ZFHX3: variants seen among roughly 807,000 people sequenced by gnomAD.
The protein encoded by ZFHX3 is zinc finger homeobox 3, also known as zinc finger homeobox protein 3.
Under a neutral mutation model 279.1 loss-of-function variants are expected in ZFHX3, and 42 were observed. The ratio of observed to expected loss-of-function variants is 0.15; its 90% CI spans 0.12 to 0.19. The LOEUF (loss-of-function observed/expected upper bound fraction) is 0.19. Ranked by LOEUF, ZFHX3 falls within the 10% of genes least tolerant of loss-of-function variation. The probability of loss-of-function intolerance (pLI) is 1.00; values close to 1 mark genes in which losing one functional copy is unlikely to be tolerated. For missense variants in ZFHX3, 4,981 were observed against 4,754.0 expected, an observed-to-expected ratio of 1.05 and a Z score of -1.40; for synonymous variants, 2,293 against 1,957.8, an observed-to-expected ratio of 1.17 and a Z score of -4.52.
At chr16:73,155,184 A>AAC (rs1453682478) in intron 5 of ZFHX3, among the ~76,000 whole-genome samples, 6 of 139,752 alleles carry the variant, frequency 4.3e-5, no homozygotes, top group Admixed American at 2.7e-4. Context: ...AAAAAACAAA[A>AAC]AAAAAAAAAA....
intron 8 of ZFHX3, among the ~76,000 whole-genome samples, chr16:73,074,269 G>A (rs373662328): frequency 3.0e-4 from 46 of 152,282 alleles, no homozygotes; most frequent in South Asian, 8.3e-4. Context: ...TGTCCCAGGC[G>A]CAATGTTGGA....
At chr16:73,113,507 A>G (rs1027197472) in intron 7 of ZFHX3, among the ~76,000 whole-genome samples, 2 of 152,218 alleles carry the variant, frequency 1.3e-5, no homozygotes, top group African/African-American at 2.4e-5. Flanking sequence ...AGAATGAGGC[A>G]TCCTTCGAGG....
chr16:73,596,107 G>A (rs552407629), intron 2 of ZFHX3, among the ~76,000 whole-genome samples: 20 of 151,756 alleles, frequency 1.3e-4, no homozygotes, highest in South Asian at 6.3e-4. Flanking sequence ...TGCAACTTCC[G>A]CCTCCCGGGT....
chr16:73,614,887 G>A (rs1725610428), intron 2 of ZFHX3, among the ~76,000 whole-genome samples: 1 of 152,048 alleles, frequency 6.6e-6, no homozygotes, highest in Non-Finnish European at 1.5e-5. Flanking sequence ...AGCCTCCTGA[G>A]TAGCTGGGAC....
At position 72,787,899 on chromosome 16, in the gene ZFHX3, T is replaced by C; in HGVS notation, c.10377A>G (p.Pro3459=). 1 of 1,614,092 alleles carries C rather than the reference T, an allele frequency of 6.2e-7. No individual in the cohort carries two copies. The highest frequency in any genetic ancestry group is 8.5e-7 in the Non-Finnish European group (1 of 1,180,022). The change falls in exon 10 of 10, where the codon CCA becomes CCG. Residue 3459 remains proline, a synonymous_variant. Coordinates refer to ENST00000268489, the MANE Select transcript of ZFHX3 (RefSeq NM_006885.4). Reference sequence around the variant, plus strand: ...GGCAGACCAACTTGTACTGCACCTTTGGAACAATGAAGGGGTCGTAGAGGG... The same window carrying C: ...GGCAGACCAACTTGTACTGCACCTTCGGAACAATGAAGGGGTCGTAGAGGG... The part of the protein sequence containing the change: ...ADSLYDPFIV[P]KVQYKLVCRK...
intron 1 of ZFHX3, among the ~76,000 whole-genome samples, chr16:73,729,849 C>T (rs1481342847): frequency 6.6e-6 from 1 of 152,188 alleles, no homozygotes; most frequent in African/African-American, 2.4e-5. Flanking sequence ...AGAATCTAGA[C>T]TTGCTTCCAT....
At chr16:73,006,976 G>A (rs1963729529) in intron 1 of ZFHX3, among the ~76,000 whole-genome samples, 1 of 152,202 alleles carries the variant, frequency 6.6e-6, no homozygotes, top group Non-Finnish European at 1.5e-5. Context: ...TACATGTTGA[G>A]TAAAGACCCA....
At chr16:73,429,229 C>G (rs1445044433) in intron 3 of ZFHX3, among the ~76,000 whole-genome samples, 1 of 152,180 alleles carries the variant, frequency 6.6e-6, no homozygotes, top group Non-Finnish European at 1.5e-5. Context: ...GTAAAGTAAG[C>G]TATAGGAGAG....
chr16:73,733,872 G>A (rs1284636066), intron 1 of ZFHX3, among the ~76,000 whole-genome samples: 1 of 152,190 alleles, frequency 6.6e-6, no homozygotes, highest in East Asian at 1.9e-4. Flanking sequence ...TTAGTGATGA[G>A]AGTTCAAATA....
At chr16:73,543,875 AGCGAGAGAGG>A (rs1320363019) in intron 2 of ZFHX3, 2 of 141,190 alleles carry the variant, frequency 1.4e-5, no homozygotes, top group Admixed American at 7.6e-5. Context: ...GGAGAGAGAG[AGCGAGAGAGG>A]GAGAGAGAGA....
At chr16:73,138,813 G>A (rs187222434) in intron 6 of ZFHX3, among the ~76,000 whole-genome samples, 7 of 152,128 alleles carry the variant, frequency 4.6e-5, no homozygotes, top group South Asian at 4.2e-4. Flanking sequence ...TCAGCCTCCC[G>A]AGTAGCTGGG....
chr16:73,862,281 A>G (rs139516487), intron 1 of ZFHX3, among the ~76,000 whole-genome samples: 1 of 152,168 alleles, frequency 6.6e-6, no homozygotes, highest in Non-Finnish European at 1.5e-5. Flanking sequence ...GAGCTACCAT[A>G]TCCTTTAATA....
intron 7 of ZFHX3, among the ~76,000 whole-genome samples, chr16:73,130,303 C>T (rs1241541136): frequency 6.6e-6 from 1 of 151,956 alleles, no homozygotes; most frequent in Non-Finnish European, 1.5e-5. Flanking sequence ...GAGAGCTGTA[C>T]TCCGACAGTC....
At chr16:73,078,667 T>C (rs912319326) in intron 8 of ZFHX3, among the ~76,000 whole-genome samples, 14 of 151,044 alleles carry the variant, frequency 9.3e-5, no homozygotes, top group Admixed American at 7.3e-4. Context: ...TTTTTTGAGA[T>C]GGAGTCTTGC....
intron 1 of ZFHX3, among the ~76,000 whole-genome samples, chr16:73,725,532 T>TGTGC (rs1567562520): frequency 6.8e-6 from 1 of 147,642 alleles, no homozygotes. Flanking sequence ...AGAGTGTGAG[T>TGTGC]GTGAGTGAGT....
chr16:73,778,593 A>C (rs565253294), intron 1 of ZFHX3, among the ~76,000 whole-genome samples: 143 of 152,298 alleles, frequency 9.4e-4, no homozygotes, highest in Non-Finnish European at 1.5e-3. Flanking sequence ...AATAGGTGAG[A>C]CCTACCACTG....
At chr16:73,685,393 G>A (rs2142200958) in intron 1 of ZFHX3, among the ~76,000 whole-genome samples, 1 of 152,328 alleles carries the variant, frequency 6.6e-6, no homozygotes, top group East Asian at 1.9e-4. Flanking sequence ...AGATAGACAG[G>A]TTATTACTGG....
intron 6 of ZFHX3, among the ~76,000 whole-genome samples, chr16:73,138,202 C>T (rs955712268): frequency 6.6e-6 from 1 of 152,164 alleles, no homozygotes; most frequent in Non-Finnish European, 1.5e-5. Flanking sequence ...GAGATTTTCT[C>T]GTGAAAGCTT....
At position 73,639,526 on chromosome 16, in the gene ZFHX3, A is replaced by C. The variant is rs147760499; in HGVS notation, c.-1547+40654T>G. Among the ~76,000 whole-genome samples the C allele has an allele frequency of 2.1e-3, 323 of 152,316 alleles. 4 individuals carry two copies. The East Asian group carries it at 0.025, about 12-fold the overall frequency. On this transcript the variant is annotated intron_variant, in intron 2 of 17. Transcript: ENST00000641206. ...ACTTTTTCATGAAAGTTAATATTAA[A>C]ACAGAAACATGCCACCTTACTGAGT...
Sources: allele counts gnomAD v4.1 joint callset (sites outside exome capture counted in the v4.1 genomes callset), GRCh38; gene constraint gnomAD v4.1.1; transcripts MANE v1.5; gene names NCBI Gene and HGNC (gene_info 2026-07-23, HGNC 2026-07-21).